Variants in LMNTD1 observed in about 807,000 individuals in gnomAD.
The protein encoded by LMNTD1 is lamin tail domain containing 1.
A neutral mutation model predicts 50.9 loss-of-function variants in LMNTD1; 35 were observed. That is an observed-to-expected ratio of 0.69 (90% CI 0.53 to 0.91). The LOEUF is 0.91. LMNTD1 is among the 40% of genes least tolerant of loss of function. The pLI is 0.00. For synonymous variants in LMNTD1, 153 were observed against 161.9 expected (o/e 0.94, Z 0.42); for missense variants, 470 against 475.5 (o/e 0.99, Z 0.11).
intron 8 of LMNTD1, among the ~76,000 whole-genome samples, chr12:25,514,307 C>G (rs11048086): frequency 0.2 from 30,693 of 151,804 alleles, 3,455 homozygotes; most frequent in African/African-American, 0.28. Context: ...TTTTCCATAT[C>G]GAAGAAATCT....
chr12:25,545,180 G>C (rs975239216), intron 4 of LMNTD1, among the ~76,000 whole-genome samples: 2 of 151,590 alleles, frequency 1.3e-5, no homozygotes. Context: ...CTTAGCTTTT[G>C]TTTGGGAAAG....
At position 25,604,659 on chromosome 12, in the gene LMNTD1, C is replaced by T. The variant is rs372497097; in HGVS notation, c.58+43835G>A. 4.6e-5 allele frequency among the ~76,000 whole-genome samples: 7 copies of T among 152,120 alleles called. No individual in the cohort carries two copies. The East Asian group carries it at 5.8e-4, about 13-fold the overall frequency. ...TGATGGTTTCCAGCTTCATCCATGTCCCCATAAAGGACATGAACTCATCAT... is the reference window on the plus strand; with the variant it reads ...TGATGGTTTCCAGCTTCATCCATGTTCCCATAAAGGACATGAACTCATCAT... On this transcript the variant is annotated intron_variant, in intron 1 of 7. Coordinates refer to the LMNTD1 transcript ENST00000445693.
At chr12:25,638,027 T>C (rs529722538) in intron 1 of LMNTD1, among the ~76,000 whole-genome samples, 1 of 152,232 alleles carries the variant, frequency 6.6e-6, no homozygotes, top group South Asian at 2.1e-4. Context: ...AATGCAGGAT[T>C]GGTTTCACAT....
intron 1 of LMNTD1, among the ~76,000 whole-genome samples, chr12:25,603,746 T>G (rs934350044): frequency 4.9e-4 from 74 of 152,140 alleles, no homozygotes; most frequent in African/African-American, 1.8e-3. Flanking sequence ...AATAAGTGAC[T>G]TAAAATGCAT....
intron 1 of LMNTD1, among the ~76,000 whole-genome samples, chr12:25,591,958 T>C (rs2136477404): frequency 6.6e-6 from 1 of 152,268 alleles, no homozygotes; most frequent in East Asian, 1.9e-4. Context: ...AAGTAGTACC[T>C]CTATGAGTCT....
In LMNTD1 at chr12:25,486,926, T is replaced by C. The variant is rs539358312; in HGVS notation, c.*23-10466A>G. ...TTTTGCCAGTATTTTATTGAGGATTTTTGCATCAATGTTCATCAAGGATAT... is the reference window on the plus strand; with the variant it reads ...TTTTGCCAGTATTTTATTGAGGATTCTTGCATCAATGTTCATCAAGGATAT... On this transcript the variant is annotated intron_variant, in intron 9 of 9. Transcript: ENST00000458174. Among the ~76,000 whole-genome samples the C allele has an allele frequency of 3.9e-5, 6 of 152,270 alleles. No individual in the cohort carries two copies. In the South Asian group the frequency reaches 6.2e-4, roughly 16 times the overall value.
chr12:25,516,287 T>C (rs1261615656), intron 8 of LMNTD1, among the ~76,000 whole-genome samples: 1 of 152,212 alleles, frequency 6.6e-6, no homozygotes, highest in African/African-American at 2.4e-5. Context: ...AAAGCAACTA[T>C]TTTTGAATTA....
chr12:25,498,565 T>C (rs961625492), intron 9 of LMNTD1, among the ~76,000 whole-genome samples: 1 of 152,146 alleles, frequency 6.6e-6, no homozygotes, highest in Non-Finnish European at 1.5e-5. Flanking sequence ...ACTGTGGAAG[T>C]TGTAGACTTG....
chr12:25,582,063 T>C (rs943330707), intron 1 of LMNTD1, among the ~76,000 whole-genome samples: 2 of 152,252 alleles, frequency 1.3e-5, no homozygotes, highest in Non-Finnish European at 2.9e-5. Flanking sequence ...CCTGGTATCA[T>C]GGGTCCCACA....
intron 9 of LMNTD1, among the ~76,000 whole-genome samples, chr12:25,493,255 AT>A (rs1938947228): frequency 6.6e-6 from 1 of 152,244 alleles, no homozygotes; most frequent in South Asian, 2.1e-4. Flanking sequence ...TGCTCAAAAA[AT>A]ATCTGATGAT....
At chr12:25,620,191 G>T (rs539680392) in intron 1 of LMNTD1, among the ~76,000 whole-genome samples, 1 of 152,198 alleles carries the variant, frequency 6.6e-6, no homozygotes, top group East Asian at 1.9e-4. Context: ...AAGTGATTGC[G>T]TTTTAGATGG....
chr12:25,500,930 C>G (rs1904389), intron 9 of LMNTD1, among the ~76,000 whole-genome samples: 3 of 152,238 alleles, frequency 2.0e-5, no homozygotes, highest in Non-Finnish European at 2.9e-5. Context: ...AGTTGTTGCA[C>G]AGAAATGTAA....
chr12:25,631,895 A>C (rs543639676), intron 1 of LMNTD1, among the ~76,000 whole-genome samples: 44 of 152,334 alleles, frequency 2.9e-4, no homozygotes, highest in Middle Eastern at 3.4e-3. Flanking sequence ...AGGAAACCCC[A>C]AAAAAGATAC....
chr12:25,646,879 C>T (rs1947083480), intron 1 of LMNTD1, among the ~76,000 whole-genome samples: 1 of 152,146 alleles, frequency 6.6e-6, no homozygotes. Context: ...TTTAGTCTTT[C>T]AACTTTGAAA....
At chr12:25,588,916 A>T (rs1945618526) in intron 1 of LMNTD1, among the ~76,000 whole-genome samples, 1 of 152,230 alleles carries the variant, frequency 6.6e-6, no homozygotes. Flanking sequence ...GGAAATTCAA[A>T]TTAAAATCAC....
intron 9 of LMNTD1, among the ~76,000 whole-genome samples, chr12:25,481,716 T>A (rs1440311933): frequency 6.6e-6 from 1 of 151,468 alleles, no homozygotes; most frequent in African/African-American, 2.4e-5. Context: ...TAAATCCCAA[T>A]AGAAATTCTT....
At chr12:25,584,185 G>T (rs895823302) in intron 1 of LMNTD1, among the ~76,000 whole-genome samples, 1 of 152,192 alleles carries the variant, frequency 6.6e-6, no homozygotes, top group Non-Finnish European at 1.5e-5. Flanking sequence ...GAATTGAGCT[G>T]CCAATTTATA....
chr12:25,508,360 A>G (rs1173495150), intron 8 of LMNTD1, among the ~76,000 whole-genome samples: 2 of 152,120 alleles, frequency 1.3e-5, no homozygotes, highest in African/African-American at 4.8e-5. Flanking sequence ...TTTGAATTTT[A>G]TATACGCAAA....
intron 3 of LMNTD1, among the ~76,000 whole-genome samples, chr12:25,548,964 G>A (rs1385724663): frequency 6.6e-6 from 1 of 151,652 alleles, no homozygotes; most frequent in African/African-American, 2.4e-5. Flanking sequence ...CAATCCTTCT[G>A]GTATTTAATC....
Sources: gnomAD v4.1 joint callset for allele counts (sites outside exome capture counted in the v4.1 genomes callset) on GRCh38, gnomAD v4.1.1 for gene constraint, MANE v1.5 for transcripts, NCBI Gene and HGNC (gene_info 2026-07-23, HGNC 2026-07-21) for gene names.